CEP112: variants seen among roughly 807,000 people sequenced by gnomAD.
The protein encoded by CEP112 is centrosomal protein 112, also known as centrosomal protein of 112 kDa.
Under a neutral mutation model 153.0 loss-of-function variants are expected in CEP112, and 127 were observed. The ratio of observed to expected loss-of-function variants is 0.83; its 90% CI spans 0.72 to 0.96. The LOEUF (loss-of-function observed/expected upper bound fraction) is 0.96. Among genes scored for constraint, CEP112 ranks in the 40% least tolerant of loss-of-function variants. CEP112 has a pLI of 0.00. For synonymous variants in CEP112, 358 were observed against 374.4 expected, an observed-to-expected ratio of 0.96 and a Z score of 0.51; for missense variants, 1,089 against 1,101.2, an observed-to-expected ratio of 0.99 and a Z score of 0.16.
chr17:65,849,489 A>T (rs1260478481), intron 21 of CEP112, among the ~76,000 whole-genome samples: 16 of 152,168 alleles, frequency 1.1e-4, no homozygotes, highest in African/African-American at 3.9e-4. Flanking sequence ...TCAGGTTTCT[A>T]ATACTAATTT....
At chr17:65,750,115 TTA>T (rs1434112961) in intron 22 of CEP112, among the ~76,000 whole-genome samples, 2 of 152,218 alleles carry the variant, frequency 1.3e-5, no homozygotes, top group Non-Finnish European at 2.9e-5. Flanking sequence ...TTGGCCTTTC[TTA>T]TACTAAAACT....
intron 16 of CEP112, among the ~76,000 whole-genome samples, chr17:66,019,195 G>A (rs1026215609): frequency 3.3e-5 from 5 of 152,276 alleles, no homozygotes; most frequent in Admixed American, 3.3e-4. Context: ...TCCTGCTGCT[G>A]TCTCATAGGC....
At chr17:66,104,117 C>CT (rs908996429) in intron 6 of CEP112, among the ~76,000 whole-genome samples, 3 of 152,156 alleles carry the variant, frequency 2.0e-5, no homozygotes, top group African/African-American at 7.2e-5. Context: ...AGCCAGTGGG[C>CT]TTGGGGGTGC....
chr17:66,001,147 C>T (rs1022972659), intron 17 of CEP112, among the ~76,000 whole-genome samples: 4 of 152,160 alleles, frequency 2.6e-5, no homozygotes, highest in Non-Finnish European at 4.4e-5. Flanking sequence ...GAGCGTCACC[C>T]GGCCTCAGGG....
chr17:65,874,313 C>T lies in CEP112; in HGVS notation c.2164-22279G>A, dbSNP rs559951589. Reference sequence around the variant, plus strand: ...TCTTTTAGTTAACAAAAGCTTATTGCTCTAGATATCATAGAAATTATTTAC... The same window carrying T: ...TCTTTTAGTTAACAAAAGCTTATTGTTCTAGATATCATAGAAATTATTTAC... On this transcript the variant is annotated intron_variant, in intron 20 of 26. Transcript: ENST00000535342. Among the ~76,000 whole-genome samples the T allele has an allele frequency of 1.6e-4, 24 of 152,180 alleles. 1 individual carries two copies. The South Asian group carries it at 3.7e-3, about 24-fold the overall frequency.
intron 6 of CEP112, among the ~76,000 whole-genome samples, chr17:66,102,552 C>G (rs2068606206): frequency 6.6e-6 from 1 of 151,436 alleles, no homozygotes; most frequent in South Asian, 2.1e-4. Context: ...AATCCCAGAA[C>G]TTTGGGAGGC....
intron 16 of CEP112, among the ~76,000 whole-genome samples, chr17:66,021,256 G>A (rs1205140255): frequency 1.3e-5 from 2 of 152,044 alleles, no homozygotes; most frequent in African/African-American, 2.4e-5. Context: ...TAGCAGTGGC[G>A]GCAGCACCAG....
intron 4 of CEP112, among the ~76,000 whole-genome samples, chr17:66,157,758 C>T (rs1211046236): frequency 6.8e-6 from 1 of 146,472 alleles, no homozygotes; most frequent in Non-Finnish European, 1.5e-5. Context: ...ATAAAACAGA[C>T]TTTAAAGCAA....
At chr17:65,862,308 G>C (rs1381561869) in intron 20 of CEP112, among the ~76,000 whole-genome samples, 1 of 152,170 alleles carries the variant, frequency 6.6e-6, no homozygotes, top group Non-Finnish European at 1.5e-5. Flanking sequence ...CCAATTCTTG[G>C]CCGGGCATAG....
intron 21 of CEP112, among the ~76,000 whole-genome samples, chr17:65,800,131 C>G (rs2055177237): frequency 1.3e-5 from 2 of 152,142 alleles, no homozygotes; most frequent in African/African-American, 4.8e-5. Flanking sequence ...TGAGATATAA[C>G]TCATTTACCA....
intron 18 of CEP112, among the ~76,000 whole-genome samples, chr17:65,957,652 G>C (rs1028479970): frequency 7.2e-5 from 11 of 151,844 alleles, no homozygotes; most frequent in Non-Finnish European, 1.6e-4. Flanking sequence ...CATTTTACTA[G>C]AAAAATTTAA....
intron 4 of CEP112, among the ~76,000 whole-genome samples, chr17:66,140,590 C>T (rs925075233): frequency 1.1e-4 from 16 of 152,180 alleles, no homozygotes; most frequent in African/African-American, 3.1e-4. Context: ...AACCAACATA[C>T]AAAAATCAGT....
chr17:66,116,080 AG>A (rs1210933139), intron 6 of CEP112, among the ~76,000 whole-genome samples: 1 of 152,236 alleles, frequency 6.6e-6, no homozygotes, highest in Non-Finnish European at 1.5e-5. Context: ...GCAGAGGGTT[AG>A]AAAAAATTTG....
At chr17:66,086,622 G>A (rs2067948891) in intron 8 of CEP112, among the ~76,000 whole-genome samples, 1 of 151,306 alleles carries the variant, frequency 6.6e-6, no homozygotes, top group East Asian at 1.9e-4. Context: ...TAGCCAGGAT[G>A]GTCTCAATTT....
In CEP112 at chr17:65,891,942, C is replaced by T. The variant is rs2059481878; in HGVS notation, c.2163+10210G>A. 2.0e-5 allele frequency among the ~76,000 whole-genome samples: 3 copies of T among 152,308 alleles called. No homozygotes were observed. The South Asian group carries it at 6.2e-4, about 32-fold the overall frequency. ...TGATGGCCAGCTAACACAATTGTCA[C>T]TGTATCATATCTCTCAATTTTAATT... is the stretch of plus-strand genomic sequence containing the variant. On this transcript the variant is annotated intron_variant, in intron 20 of 26. Transcript: ENST00000535342.
chr17:65,910,825 C>A (rs2060257113), intron 19 of CEP112, among the ~76,000 whole-genome samples: 1 of 151,580 alleles, frequency 6.6e-6, no homozygotes, highest in South Asian at 2.1e-4. Context: ...ATCAAAAAGA[C>A]ACACTGTAGA....
At chr17:65,881,739 T>TACC (rs2059084804) in intron 20 of CEP112, among the ~76,000 whole-genome samples, 3 of 152,172 alleles carry the variant, frequency 2.0e-5, no homozygotes, top group Non-Finnish European at 4.4e-5. Context: ...AATACTGAAT[T>TACC]TAGTTTATGT....
At chr17:66,106,714 T>C (rs1467247698) in intron 6 of CEP112, among the ~76,000 whole-genome samples, 2 of 151,734 alleles carry the variant, frequency 1.3e-5, no homozygotes, top group Non-Finnish European at 2.9e-5. Context: ...TTATCGAAAA[T>C]TTAAAAAAGA....
At chr17:65,941,363 C>T (rs1467302202) in intron 18 of CEP112, 1 of 151,984 alleles carries the variant, frequency 6.6e-6, no homozygotes, top group Non-Finnish European at 1.5e-5. Context: ...CATTAAAAGG[C>T]TTTTGTATCA....
Sources: gnomAD v4.1 joint callset for allele counts (sites outside exome capture counted in the v4.1 genomes callset) on GRCh38, gnomAD v4.1.1 for gene constraint, MANE v1.5 for transcripts, NCBI Gene and HGNC (gene_info 2026-07-23, HGNC 2026-07-21) for gene names.